Variants in FARP1 observed in about 807,000 individuals in gnomAD.
FARP1 encodes FERM, ARH/RhoGEF and pleckstrin domain protein 1.
In FARP1, 52 loss-of-function variants were observed where a neutral mutation model predicts 128.8. That is an observed-to-expected ratio of 0.40 (90% CI 0.32 to 0.51). The LOEUF (loss-of-function observed/expected upper bound fraction) is 0.51. FARP1 is among the 20% of genes least tolerant of loss of function. The pLI is 0.45. For missense variants in FARP1, 1,333 were observed against 1,367.9 expected (o/e 0.97, Z 0.40); for synonymous variants, 580 against 551.8 (o/e 1.05, Z -0.72).
intron 1 of FARP1, among the ~76,000 whole-genome samples, chr13:98,157,893 T>C (rs369655460): frequency 9.9e-5 from 15 of 152,220 alleles, no homozygotes; most frequent in African/African-American, 3.6e-4. Context: ...TTTCTGTACA[T>C]TTCTTTGTAA....
intron 3 of FARP1, among the ~76,000 whole-genome samples, chr13:98,353,108 G>T (rs1888502562): frequency 6.6e-6 from 1 of 152,230 alleles, no homozygotes; most frequent in African/African-American, 2.4e-5. Context: ...TACCCAAGGG[G>T]ATGGTGCGAA....
At chr13:98,382,066 TA>T (rs554572886) in intron 6 of FARP1, among the ~76,000 whole-genome samples, 16,968 of 142,906 alleles carry the variant, frequency 0.12, 2,836 homozygotes, top group African/African-American at 0.38. Flanking sequence ...CTACTCAAAA[TA>T]AAAAAAAAAA....
chr13:98,333,407 G>T (rs1331610126), intron 2 of FARP1, among the ~76,000 whole-genome samples: 14 of 149,678 alleles, frequency 9.4e-5, no homozygotes, highest in African/African-American at 3.2e-4. Flanking sequence ...TACCAGGTTT[G>T]CAAGAAAGCA....
At chr13:98,205,420 T>A (rs545136013) in intron 1 of FARP1, among the ~76,000 whole-genome samples, 1 of 152,152 alleles carries the variant, frequency 6.6e-6, no homozygotes, top group East Asian at 1.9e-4. Context: ...TTAGACAGAG[T>A]CTCACTCTGT....
intron 2 of FARP1, among the ~76,000 whole-genome samples, chr13:98,282,534 T>C (rs1390804942): frequency 6.6e-6 from 1 of 152,148 alleles, no homozygotes; most frequent in Non-Finnish European, 1.5e-5. Flanking sequence ...AGATCAGTTC[T>C]CTCTCTAAGA....
chr13:98,361,566 C>T (rs914405036), intron 3 of FARP1, among the ~76,000 whole-genome samples: 11 of 152,188 alleles, frequency 7.2e-5, no homozygotes, highest in African/African-American at 2.7e-4. Context: ...ACAGCAGGCT[C>T]CCAGTGCGCT....
intron 26 of FARP1, 43 bp from the exon 27 acceptor site, chr13:98,448,189 AGTCC>A: frequency 6.7e-7 from 1 of 1,498,460 alleles, no homozygotes; most frequent in Non-Finnish European, 9.3e-7. Context: ...AAGTGTCAGG[AGTCC>A]GTCCAAACAA....
At chr13:98,294,331 G>A (rs539457144) in intron 2 of FARP1, among the ~76,000 whole-genome samples, 40 of 152,276 alleles carry the variant, frequency 2.6e-4, no homozygotes, top group African/African-American at 8.9e-4. Flanking sequence ...CCATTGATAA[G>A]ATAAGGGTTC....
At chr13:98,280,747 A>G (rs1193275426) in intron 2 of FARP1, among the ~76,000 whole-genome samples, 1 of 152,222 alleles carries the variant, frequency 6.6e-6, no homozygotes, top group Admixed American at 6.5e-5. Flanking sequence ...CTGATCGTTT[A>G]CTCAATTCCA....
intron 2 of FARP1, among the ~76,000 whole-genome samples, chr13:98,271,841 C>G (rs527530918): frequency 1.3e-5 from 2 of 152,154 alleles, no homozygotes; most frequent in Non-Finnish European, 2.9e-5. Flanking sequence ...CAGTATATCA[C>G]TGATTTGGGT....
intron 17 of FARP1, among the ~76,000 whole-genome samples, chr13:98,427,849 A>G (rs1295801026): frequency 6.6e-6 from 1 of 152,236 alleles, no homozygotes; most frequent in Non-Finnish European, 1.5e-5. Context: ...CAAAATAAAA[A>G]TAGACGGAGA....
At chr13:98,243,550 T>G (rs1289741864) in intron 2 of FARP1, among the ~76,000 whole-genome samples, 1 of 151,352 alleles carries the variant, frequency 6.6e-6, no homozygotes, top group Non-Finnish European at 1.5e-5. Flanking sequence ...AAAAAAAAAT[T>G]AGCCGGGCGT....
intron 11 of FARP1, among the ~76,000 whole-genome samples, chr13:98,392,061 C>T (rs1890324529): frequency 6.6e-6 from 1 of 152,046 alleles, no homozygotes; most frequent in African/African-American, 2.4e-5. Flanking sequence ...TTGCAGCTCT[C>T]GTTACAGACA....
intron 2 of FARP1, among the ~76,000 whole-genome samples, chr13:98,312,135 C>CTTCTTTTTTTT (rs1886489181): frequency 1.2e-5 from 1 of 86,120 alleles, no homozygotes; most frequent in East Asian, 3.7e-4. Context: ...GTGGTAACTG[C>CTTCTTTTTTTT]TTTTTTTTTT....
chr13:98,163,481 C>T (rs1392467323), intron 1 of FARP1, among the ~76,000 whole-genome samples: 1 of 151,948 alleles, frequency 6.6e-6, no homozygotes, highest in African/African-American at 2.4e-5. Context: ...AAAAATTGCC[C>T]CTCCCCTTCA....
rs533860757 is a variant in FARP1, at chr13:98,179,642, A to T, written c.-23-33578A>T. Among the ~76,000 whole-genome samples the T allele has an allele frequency of 4.6e-5, 7 of 152,162 alleles. 1 individual carries two copies. The East Asian group carries it at 1.4e-3, about 29-fold the overall frequency. Reference sequence around the variant, plus strand: ...CACTTTGGGAGGCTGAGGCAGGTGGATCACGAGGTCAGGAGATCGAGACCA... The same window carrying T: ...CACTTTGGGAGGCTGAGGCAGGTGGTTCACGAGGTCAGGAGATCGAGACCA... On this transcript the variant is annotated intron_variant, in intron 1 of 26. Transcript: ENST00000319562.
At chr13:98,148,503 T>C (rs1330905297) in intron 1 of FARP1, among the ~76,000 whole-genome samples, 1 of 152,232 alleles carries the variant, frequency 6.6e-6, no homozygotes. Context: ...TCTCATTTCT[T>C]AACCTGCGCC....
intron 1 of FARP1, among the ~76,000 whole-genome samples, chr13:98,161,338 C>T (rs1876869245): frequency 1.3e-5 from 2 of 151,696 alleles, no homozygotes; most frequent in Non-Finnish European, 2.9e-5. Context: ...GCCTCAGCCT[C>T]CCGAGTAGCT....
chr13:98,331,635 T>C (rs1324036913), intron 2 of FARP1: 1 of 152,256 alleles, frequency 6.6e-6, no homozygotes. Context: ...GAATCCCTGC[T>C]GGATGATGGC....
Sources: gnomAD v4.1 joint callset for allele counts (sites outside exome capture counted in the v4.1 genomes callset) on GRCh38, gnomAD v4.1.1 for gene constraint, MANE v1.5 for transcripts, NCBI Gene and HGNC (gene_info 2026-07-23, HGNC 2026-07-21) for gene names.